Variants in LAMA5 observed in about 807,000 individuals in gnomAD.
LAMA5 encodes the protein laminin subunit alpha 5, also known as laminin subunit alpha-5.
Under a neutral mutation model 433.4 loss-of-function variants are expected in LAMA5, and 260 were observed. The observed-to-expected ratio is 0.60, with a 90% CI of 0.54 to 0.66. The LOEUF is 0.66. Among genes scored for constraint, LAMA5 ranks in the 30% least tolerant of loss-of-function variants. The pLI, the probability that LAMA5 is intolerant of heterozygous loss-of-function variation, is 0.00. For synonymous variants in LAMA5, 2,620 were observed against 2,226.6 expected (o/e 1.18, Z -4.97); for missense variants, 5,378 against 5,258.5 (o/e 1.02, Z -0.70).
rs1379036364 is a variant in LAMA5, at chr20:62,311,678, C to T, written c.9742G>A (p.Gly3248Ser). ...PEGPPRLLLGGLPESGTIYNF... is the reference protein window; with the variant it reads ...PEGPPRLLLGSLPESGTIYNF... Reference sequence around the variant, plus strand: ...TAAATGGTGCCAGACTCAGGCAGGCCTCCCAGGAGGAGCCTCGGGGGCCCC... The same window carrying T: ...TAAATGGTGCCAGACTCAGGCAGGCTTCCCAGGAGGAGCCTCGGGGGCCCC... Residue 3248 changes from glycine (G) to serine (S), a missense_variant, in exon 71 of 80, where the codon GGC becomes AGC. By Grantham distance (56) the Gly-to-Ser change is moderately conservative. Coordinates refer to ENST00000252999, the MANE Select transcript of LAMA5 (RefSeq NM_005560.6). 6.3e-7 allele frequency: 1 copy of T among 1,591,450 alleles called. No homozygotes were observed. Among genetic ancestry groups the T allele is most frequent in the African/African-American group, 1.3e-5 (1 of 74,686 alleles).
At chr20:62,312,843 T>C (rs1189159949) in intron 66 of LAMA5, 45 bp downstream of exon 66, 3 of 1,602,034 alleles carry the variant, frequency 1.9e-6, no homozygotes. Context: ...GCCCCCATCG[T>C]TCCATCTCCT....
intron 6 of LAMA5, chr20:62,350,844 C>A (rs1467005120): frequency 6.6e-6 from 1 of 152,344 alleles, no homozygotes; most frequent in Non-Finnish European, 1.5e-5. Flanking sequence ...GGGGTCCCAC[C>A]CTGTGTTCCC....
intron 48 of LAMA5, among the ~76,000 whole-genome samples, chr20:62,321,569 C>A (rs1279042573): frequency 5.2e-3 from 56 of 10,794 alleles, no homozygotes; most frequent in Non-Finnish European, 7.6e-3. Flanking sequence ...CCAGTGGAGG[C>A]AGGGCCTGTG....
At chr20:62,343,457 G>C (rs112894969) in intron 11 of LAMA5, among the ~76,000 whole-genome samples, 1 of 152,104 alleles carries the variant, frequency 6.6e-6, no homozygotes, top group Non-Finnish European at 1.5e-5. Context: ...GACCCATCAG[G>C]AGAAAAACAC....
chr20:62,346,854 G>T, intron 7 of LAMA5, 54 bp from the exon 8 acceptor site: 1 of 1,606,066 alleles, frequency 6.2e-7, no homozygotes. Flanking sequence ...CCGGGCACCG[G>T]GGCCCTCTCA....
intron 50 of LAMA5, 141 bp downstream of exon 50, chr20:62,320,418 C>A (rs1381518620): frequency 3.2e-6 from 2 of 629,774 alleles, no homozygotes; most frequent in African/African-American, 3.7e-5. Context: ...ACTTGGTCAA[C>A]CCCTAAGACT....
chr20:62,321,598 A>AGGTGGGGGCAGTGAAGG (rs1568918476), intron 48 of LAMA5, among the ~76,000 whole-genome samples: 2 of 27,528 alleles, frequency 7.3e-5, no homozygotes, highest in Non-Finnish European at 7.1e-5. Flanking sequence ...GGGCCAGTGG[A>AGGTGGGGGCAGTGAAGG]GGTGGGGTCA....
At chr20:62,326,796 G>A (rs1435715835) in intron 39 of LAMA5, 36 bp from the exon 40 acceptor site, 2 of 1,607,916 alleles carry the variant, frequency 1.2e-6, no homozygotes, top group Non-Finnish European at 1.7e-6. Context: ...GGTTGGCACG[G>A]GCCTGGACCA....
intron 6 of LAMA5, 56 bp downstream of exon 6, chr20:62,351,648 G>GC: frequency 6.5e-7 from 1 of 1,545,112 alleles, no homozygotes; most frequent in South Asian, 1.2e-5. Flanking sequence ...ACAAGGACAG[G>GC]CAGGGAGCTG....
chr20:62,346,045 G>A (rs984545626), intron 10 of LAMA5, 36 bp downstream of exon 10: 2 of 1,610,774 alleles, frequency 1.2e-6, no homozygotes, highest in Non-Finnish European at 1.7e-6. Flanking sequence ...CCAGCAGGCA[G>A]TGGTGTCTGT....
At chr20:62,337,299 G>GAC (rs142384723) in intron 16 of LAMA5, among the ~76,000 whole-genome samples, 2 of 152,008 alleles carry the variant, frequency 1.3e-5, no homozygotes, top group Non-Finnish European at 2.9e-5. Context: ...ACACTTAGGT[G>GAC]ACACACACAC....
chr20:62,326,924 C>T lies in LAMA5; in HGVS notation c.5155G>A (p.Glu1719Lys). Residue 1719 changes from glutamate to lysine, a missense_variant, in exon 39 of 80, where the codon GAG (glutamate) becomes AAG (lysine). Transcript: ENST00000252999. ...GGTLRYELHSETQRGDVFVPM... is the reference protein window; with the variant it reads ...GGTLRYELHSKTQRGDVFVPM... ...ACAAAGACATCTCCCCGCTGGGTCT[C>T]TGAGTGCAGTTCATAACGGAGGGTC... 6.2e-7 allele frequency: 1 copy of T among 1,612,376 alleles called. No individual in the cohort carries two copies. The highest frequency in any genetic ancestry group is 8.5e-7 in the Non-Finnish European group (1 of 1,179,486).
In LAMA5 at chr20:62,322,445, C is replaced by A. The variant is rs964688711; in HGVS notation, c.6170G>T (p.Gly2057Val). 1.3e-6 allele frequency: 2 copies of A among 1,583,172 alleles called. No homozygotes were observed. The highest frequency in any genetic ancestry group is 1.8e-5 in the Admixed American group (1 of 55,694). ...TGRRCDRCQE[G>V]HFGFDGCGGC... ...CCCGCAGCCATCGAAACCAAAATGT[C>A]CCTCCTGTGGCACAGGCTGGTCACT... is the stretch of plus-strand genomic sequence containing the variant. The change falls in exon 47 of 80, where the codon GGA becomes GTA. Residue 2057 changes from glycine to valine, a missense_variant. Gly to Val is a moderately radical substitution (Grantham distance 109, BLOSUM62 -3). Transcript: ENST00000252999.
At chr20:62,311,811 GT>G in intron 70 of LAMA5, 27 bp from the exon 71 acceptor site, 1 of 1,558,378 alleles carries the variant, frequency 6.4e-7, no homozygotes, top group South Asian at 1.2e-5. Flanking sequence ...CGGAGGCTCG[GT>G]TTTTCCCCAC....
chr20:62,366,654 C>G (rs1986761619), intron 1 of LAMA5, among the ~76,000 whole-genome samples: 1 of 152,252 alleles, frequency 6.6e-6, no homozygotes, highest in African/African-American at 2.4e-5. Flanking sequence ...TTGGGGCCGC[C>G]AGGGACTGGG....
intron 16 of LAMA5, among the ~76,000 whole-genome samples, chr20:62,337,149 G>C (rs796659766): frequency 6.6e-6 from 1 of 152,104 alleles, no homozygotes; most frequent in African/African-American, 2.4e-5. Flanking sequence ...ACATGAACAC[G>C]CACACCCACA....
In LAMA5 at chr20:62,309,446, CG is replaced by C. The variant is rs1194599837; in HGVS notation, c.10977del (p.Ala3660ProfsTer6). The C allele has an allele frequency of 5.1e-6, 8 of 1,571,022 alleles. No homozygotes were observed. Among genetic ancestry groups the C allele is most frequent in the South Asian group, 1.1e-5 (1 of 87,582 alleles). The part of the protein sequence containing the change: ...PEPMAVQPWP[P>X]AYCGCMRRLA... ...AGCCTCCTCATGCAGCCGCAGTAGGCGGGGGGCCAGGGCTGCACGGCCATGG... is the reference window on the plus strand; with the variant it reads ...AGCCTCCTCATGCAGCCGCAGTAGGCGGGGGCCAGGGCTGCACGGCCATGG... On this transcript the variant is annotated frameshift_variant, in exon 80 of 80. Transcript: ENST00000252999. LOFTEE classifies it low-confidence loss of function (END_TRUNC).
rs749278210 is a variant in LAMA5, at chr20:62,311,760, C to A, written c.9660G>T (p.Gln3220His). Residue 3220 changes from glutamine (Q) to histidine (H), a missense_variant, in exon 71 of 80, where the codon CAG (glutamine) becomes CAT (histidine). Coordinates refer to ENST00000252999, the MANE Select transcript of LAMA5 (RefSeq NM_005560.6). ...ATGVWLYVDD[Q>H]LQQMKPHRGP... is the part of the protein sequence containing the mutation. The stretch of plus-strand genomic sequence containing the variant: ...CCCGGTGGGGCTTCATCTGCTGGAG[C>A]TGGTCATCGACATACAGCCAGACTC... 2 of 1,561,160 alleles carry A rather than the reference C, an allele frequency of 1.3e-6. No homozygotes were observed. The highest frequency in any genetic ancestry group is 1.7e-6 in the Non-Finnish European group (2 of 1,154,468).
At chr20:62,317,215 G>A (rs1424834608) in intron 55 of LAMA5, 130 bp downstream of exon 55, 1 of 1,221,010 alleles carries the variant, frequency 8.2e-7, no homozygotes, top group East Asian at 2.7e-5. Context: ...CCGTGGAGCT[G>A]AGGAAGGCCT....
Sources: allele counts gnomAD v4.1 joint callset (sites outside exome capture counted in the v4.1 genomes callset), GRCh38; gene constraint gnomAD v4.1.1; transcripts MANE v1.5; gene names NCBI Gene and HGNC (gene_info 2026-07-23, HGNC 2026-07-21).